ELMOD1: variants seen among roughly 807,000 people sequenced by gnomAD.
The protein encoded by ELMOD1 is ELMO domain-containing protein 1.
A neutral mutation model predicts 46.7 loss-of-function variants in ELMOD1; 21 were observed. The observed-to-expected ratio is 0.45, with a 90% CI of 0.32 to 0.65. The LOEUF is 0.65. Among genes scored for constraint, ELMOD1 ranks in the 30% least tolerant of loss-of-function variants. The pLI is 0.04. For synonymous variants in ELMOD1, 122 were observed against 138.2 expected (o/e 0.88, Z 0.82); for missense variants, 348 against 407.8 (o/e 0.85, Z 1.26).
At chr11:107,618,305 C>A in intron 2 of ELMOD1, 99 bp downstream of exon 2, 1 of 1,348,798 alleles carries the variant, frequency 7.4e-7, no homozygotes, top group Non-Finnish European at 1.0e-6. Context: ...ATCCTGTGAC[C>A]AGGACTCCTA....
chr11:107,635,824 C>G (rs1293479575), intron 6 of ELMOD1, 59 bp downstream of exon 6: 83 of 1,538,238 alleles, frequency 5.4e-5, no homozygotes, highest in South Asian at 1.8e-4. Flanking sequence ...TGCCAGGCAC[C>G]TGCTATGTGC....
intron 6 of ELMOD1, among the ~76,000 whole-genome samples, chr11:107,636,844 T>A (rs1215655707): frequency 6.6e-6 from 1 of 152,234 alleles, no homozygotes; most frequent in Admixed American, 6.5e-5. Flanking sequence ...TCTTTTATAT[T>A]GTCTTTTTTT....
At chr11:107,628,977 T>C (rs1866091248) in intron 2 of ELMOD1, among the ~76,000 whole-genome samples, 2 of 152,220 alleles carry the variant, frequency 1.3e-5, no homozygotes, top group African/African-American at 4.8e-5. Flanking sequence ...TTTTTTCTAC[T>C]TGATAAACAT....
intron 6 of ELMOD1, 122 bp from the exon 7 acceptor site, chr11:107,647,346 T>A: frequency 1.4e-6 from 1 of 702,890 alleles, no homozygotes; most frequent in Non-Finnish European, 2.2e-6. Flanking sequence ...ATCACATCTT[T>A]AATTGTAATG....
At chr11:107,628,743 T>A (rs1020895203) in intron 2 of ELMOD1, among the ~76,000 whole-genome samples, 4 of 151,620 alleles carry the variant, frequency 2.6e-5, no homozygotes, top group Non-Finnish European at 4.4e-5. Flanking sequence ...ATTTTATACA[T>A]CATAATTTTA....
Position 107,629,515 on chromosome 11 carries a change from C to T in ELMOD1, c.18-902C>T, listed in dbSNP as rs371510752. Among the ~76,000 whole-genome samples the T allele has an allele frequency of 3.2e-4, 48 of 152,198 alleles. No homozygotes were observed. In the East Asian group the frequency reaches 7.0e-3, roughly 22 times the overall value. Reference sequence around the variant, plus strand: ...GCTTAAGTCATTTGAAATTCTGAACCGTACCATGAAATAGTAGGCACTCAC... The same window carrying T: ...GCTTAAGTCATTTGAAATTCTGAACTGTACCATGAAATAGTAGGCACTCAC... On this transcript the variant is annotated intron_variant, in intron 2 of 11. Coordinates refer to ENST00000265840, the MANE Select transcript of ELMOD1 (RefSeq NM_018712.4).
chr11:107,635,245 A>G lies in ELMOD1; in HGVS notation c.291-391A>G, dbSNP rs114536732. On this transcript the variant is annotated intron_variant, in intron 5 of 11. Coordinates refer to ENST00000265840, the MANE Select transcript of ELMOD1 (RefSeq NM_018712.4). ...GAGCCCAGTATTACCTATAATTTCA[A>G]GTAACCTGCATAAAGAAATCCCTTG... Among the ~76,000 whole-genome samples the G allele has an allele frequency of 2.7e-3, 404 of 152,272 alleles. 4 individuals are homozygous for G. The highest frequency in any genetic ancestry group is 9.3e-3 in the African/African-American group (386 of 41,544).
chr11:107,626,656 TTTTCTTTC>T (rs1555064837), intron 2 of ELMOD1, among the ~76,000 whole-genome samples: 3 of 147,484 alleles, frequency 2.0e-5, no homozygotes, highest in African/African-American at 7.5e-5. Context: ...CTTTCTTTCT[TTTTCTTTC>T]TTTCTTTCTT....
intron 2 of ELMOD1, among the ~76,000 whole-genome samples, chr11:107,622,717 C>T (rs372099644): frequency 9.1e-4 from 139 of 152,280 alleles, no homozygotes; most frequent in African/African-American, 2.9e-3. Flanking sequence ...GGTGCAGGAA[C>T]GTGTAGTTGT....
At chr11:107,606,406 C>T (rs746372845) in intron 1 of ELMOD1, among the ~76,000 whole-genome samples, 19 of 152,180 alleles carry the variant, frequency 1.2e-4, no homozygotes, top group Non-Finnish European at 2.2e-4. Flanking sequence ...CCCTCAGAGA[C>T]GTGCTTCTGC....
intron 2 of ELMOD1, among the ~76,000 whole-genome samples, chr11:107,618,923 A>G (rs1254033161): frequency 6.6e-6 from 1 of 152,226 alleles, no homozygotes; most frequent in African/African-American, 2.4e-5. Flanking sequence ...AAAGTTAGTC[A>G]GGTCCTGAAT....
chr11:107,605,476 T>C (rs1865670152), intron 1 of ELMOD1, among the ~76,000 whole-genome samples: 2 of 152,208 alleles, frequency 1.3e-5, no homozygotes, highest in Admixed American at 1.3e-4. Flanking sequence ...GCTGGGATTA[T>C]GGGCATAAGC....
chr11:107,650,395 G>A lies in ELMOD1; in HGVS notation c.615G>A (p.Pro205=), dbSNP rs772952763. The change falls in exon 8 of 12, where the codon CCG becomes CCA. Residue 205 remains proline, a synonymous_variant. Transcript: ENST00000265840. ...AQQVLSDSLH[P]KCRDITKEEI... is the part of the protein sequence containing the mutation. The stretch of plus-strand genomic sequence containing the variant: ...AGGTCCTGTCTGACTCTCTTCATCC[G>A]AAATGCAGGTAATTGTTGAAAGTAA... 6.3e-6 allele frequency: 10 copies of A among 1,586,376 alleles called. No individual in the cohort carries two copies. The African/African-American group carries it at 6.7e-5, about 11-fold the overall frequency.
intron 6 of ELMOD1, among the ~76,000 whole-genome samples, chr11:107,639,009 G>A (rs1459149761): frequency 2.0e-5 from 3 of 152,088 alleles, no homozygotes; most frequent in African/African-American, 7.2e-5. Flanking sequence ...AAATAGCTGG[G>A]CATGGTGATG....
chr11:107,656,065 C>T lies in ELMOD1; in HGVS notation c.831C>T (p.Phe277=). The T allele has an allele frequency of 1.3e-6, 2 of 1,552,790 alleles. No individual in the cohort carries two copies. Among genetic ancestry groups the T allele is most frequent in the Non-Finnish European group, 1.7e-6 (2 of 1,147,370 alleles). The part of the protein sequence containing the change: ...APTLSHFQQT[F]CYLMHEFHKF... ...CATTGTCTCACTTTCAGCAAACATT[C>T]TGTAAGTATCCTGTTGTATAATTAT... The change falls in exon 11 of 12, where the codon TTC becomes TTT. Residue 277 remains phenylalanine (F), a splice_region_variant and synonymous_variant. Coordinates refer to ENST00000265840, the MANE Select transcript of ELMOD1 (RefSeq NM_018712.4).
chr11:107,657,152 C>T (rs1301078862), intron 11 of ELMOD1, among the ~76,000 whole-genome samples: 1 of 152,040 alleles, frequency 6.6e-6, no homozygotes, highest in African/African-American at 2.4e-5. Flanking sequence ...GAGATGACCC[C>T]GAAAACTTCC....
intron 2 of ELMOD1, among the ~76,000 whole-genome samples, chr11:107,625,010 G>A (rs1194625378): frequency 6.6e-6 from 1 of 152,156 alleles, no homozygotes; most frequent in East Asian, 1.9e-4. Flanking sequence ...GTGGGATCTT[G>A]GAACCTCTCC....
chr11:107,599,747 A>AAAAAAAAAG (rs1555058582), intron 1 of ELMOD1, among the ~76,000 whole-genome samples: 2 of 142,764 alleles, frequency 1.4e-5, no homozygotes, highest in African/African-American at 2.8e-5. Flanking sequence ...TCTCAAAAAA[A>AAAAAAAAAG]AAAAGAAAAA....
At chr11:107,597,251 A>G (rs188365407) in intron 1 of ELMOD1, among the ~76,000 whole-genome samples, 21 of 152,348 alleles carry the variant, frequency 1.4e-4, no homozygotes, top group Admixed American at 1.4e-3. Flanking sequence ...TGGAACTAAG[A>G]TTATATTTTA....
Sources: gnomAD v4.1 joint callset for allele counts (sites outside exome capture counted in the v4.1 genomes callset) on GRCh38, gnomAD v4.1.1 for gene constraint, MANE v1.5 for transcripts, NCBI Gene and HGNC (gene_info 2026-07-23, HGNC 2026-07-21) for gene names.